INSL6: variants seen among roughly 807,000 people sequenced by gnomAD.
INSL6 encodes insulin like 6.
A neutral mutation model predicts 9.4 loss-of-function variants in INSL6; 16 were observed. That is an observed-to-expected ratio of 1.70 (90% CI 1.15 to 2.59). INSL6 has a LOEUF of 2.59. Ranked by LOEUF, INSL6 falls within the 30% of genes most tolerant of loss-of-function variation. The pLI is 0.00. For synonymous variants in INSL6, 154 were observed against 96.9 expected (o/e 1.59, Z -3.46); for missense variants, 391 against 257.3 (o/e 1.52, Z -3.56).
downstream of INSL6, among the ~76,000 whole-genome samples, chr9:5,159,379 G>C (rs1421522695): frequency 1.3e-5 from 2 of 151,072 alleles, no homozygotes; most frequent in South Asian, 4.2e-4. Context: ...TTTAAAAAAA[G>C]GATCGAACAA....
At chr9:5,033,587 A>C in the INSL6 span, among the ~76,000 whole-genome samples, 238 of 152,334 alleles carry the variant, frequency 1.6e-3, 2 homozygotes, top group East Asian at 0.032. Context: ...GCCAATATTC[A>C]ACATTCTTAA....
intron 3 of INSL6, among the ~76,000 whole-genome samples, chr9:5,130,739 T>C (rs1824259732): frequency 6.6e-6 from 1 of 150,752 alleles, no homozygotes; most frequent in South Asian, 2.1e-4. Flanking sequence ...TTTTTTTTTA[T>C]TTTTTTTGAG....
the INSL6 span, among the ~76,000 whole-genome samples, chr9:5,033,595 TAAAGA>T: frequency 6.6e-6 from 1 of 152,144 alleles, no homozygotes; most frequent in Non-Finnish European, 1.5e-5. Flanking sequence ...TCAACATTCT[TAAAGA>T]AAAGAATTTT....
the INSL6 span, among the ~76,000 whole-genome samples, chr9:5,083,592 T>C: frequency 2.0e-5 from 3 of 152,164 alleles, no homozygotes; most frequent in Non-Finnish European, 2.9e-5. Context: ...GCCCTTTTTT[T>C]CCTTGACTTA....
chr9:5,145,716 G>A (rs907451304), intron 2 of INSL6, among the ~76,000 whole-genome samples: 6 of 152,050 alleles, frequency 3.9e-5, no homozygotes, highest in Admixed American at 2.0e-4. Context: ...CAGTCTTCAG[G>A]CTCTGAGGTT....
At chr9:5,050,288 C>G in the INSL6 span, among the ~76,000 whole-genome samples, 1 of 152,008 alleles carries the variant, frequency 6.6e-6, no homozygotes, top group Non-Finnish European at 1.5e-5. Context: ...GAATTTATGC[C>G]ATTTATTTAT....
At chr9:4,998,897 C>T in the INSL6 span, among the ~76,000 whole-genome samples, 2 of 152,186 alleles carry the variant, frequency 1.3e-5, no homozygotes, top group Non-Finnish European at 2.9e-5. Context: ...GTGGTGCGAT[C>T]TGCAAGCTCC....
At chr9:5,109,937 A>T in the INSL6 span, 1 of 152,204 alleles carries the variant, frequency 6.6e-6, no homozygotes, top group African/African-American at 2.4e-5. Flanking sequence ...CTGGCTGACA[A>T]TATGGCCGAG....
chr9:5,114,771 A>C, the INSL6 span: 1 of 325,892 alleles, frequency 3.1e-6, no homozygotes, highest in South Asian at 2.7e-5. Context: ...TGGCTCACAG[A>C]CCGTCAAGTA....
chr9:5,125,481 C>T (rs1454309001), intron 3 of INSL6, among the ~76,000 whole-genome samples: 1 of 151,250 alleles, frequency 6.6e-6, no homozygotes, highest in African/African-American at 2.4e-5. Flanking sequence ...AGTGAACATC[C>T]TCATGCATAA....
chr9:5,111,779 TCCA>T, the INSL6 span: 1 of 421,066 alleles, frequency 2.4e-6, no homozygotes, highest in East Asian at 6.4e-5. Flanking sequence ...TCCGGCTGCA[TCCA>T]CCTTCTCCTT....
Position 5,143,474 on chromosome 9 carries a change from T to C in INSL6, c.377-9882A>G, listed in dbSNP as rs56389404. 2.7e-3 allele frequency among the ~76,000 whole-genome samples: 417 copies of C among 152,234 alleles called. 4 individuals are homozygous for C. The highest frequency in any genetic ancestry group is 9.4e-3 in the African/African-American group (392 of 41,558). ...TTCTATGTTTTCCAGTTGATTTCCA[T>C]AGAGGTGTTCATAATATTATCTGAT... On this transcript the variant is annotated intron_variant, in intron 2 of 3. Coordinates refer to the INSL6 transcript ENST00000649639.
the INSL6 span, among the ~76,000 whole-genome samples, chr9:5,047,287 A>G: frequency 6.6e-6 from 1 of 152,198 alleles, no homozygotes; most frequent in Non-Finnish European, 1.5e-5. Context: ...TTAAATAACC[A>G]AAAAATAGAT....
At chr9:4,999,984 A>T in the INSL6 span, among the ~76,000 whole-genome samples, 4 of 152,270 alleles carry the variant, frequency 2.6e-5, no homozygotes, top group Admixed American at 2.6e-4. Context: ...TCAGCTAAGG[A>T]AGCTAAGGAA....
At chr9:5,104,711 C>T in the INSL6 span, among the ~76,000 whole-genome samples, 1,064 of 152,288 alleles carry the variant, frequency 7.0e-3, 11 homozygotes, top group African/African-American at 0.023. Context: ...TTATCAACCA[C>T]GATCAAGTCG....
chr9:5,112,568 G>A, the INSL6 span: 39 of 650,938 alleles, frequency 6.0e-5, no homozygotes, highest in Admixed American at 4.4e-4. Flanking sequence ...GCCAGGGAGC[G>A]GCTGCGGGTC....
chr9:5,029,270 G>C, the INSL6 span, among the ~76,000 whole-genome samples: 1 of 152,154 alleles, frequency 6.6e-6, no homozygotes, highest in African/African-American at 2.4e-5. Context: ...TGTTGCTGGA[G>C]CGGTCAGAAC....
intron 2 of INSL6, among the ~76,000 whole-genome samples, chr9:5,155,928 GA>G (rs879341640): frequency 6.7e-6 from 1 of 148,350 alleles, no homozygotes. Flanking sequence ...TTTAAAAAAA[GA>G]AAAAAAAAGA....
chr9:4,996,578 G>A, the INSL6 span, among the ~76,000 whole-genome samples: 1 of 151,008 alleles, frequency 6.6e-6, no homozygotes. Flanking sequence ...GTTTTTTTGA[G>A]GAGGGGCGGG....
Sources: allele counts gnomAD v4.1 joint callset (sites outside exome capture counted in the v4.1 genomes callset), GRCh38; gene constraint gnomAD v4.1.1; transcripts MANE v1.5; gene names NCBI Gene and HGNC (gene_info 2026-07-23, HGNC 2026-07-21).